The following AP2B1 variants were observed in gnomAD, a reference collection of about 807,000 sequenced individuals.
The protein encoded by AP2B1 is AP-2 complex subunit beta.
Under a neutral mutation model 102.0 loss-of-function variants are expected in AP2B1, and 23 were observed. The ratio of observed to expected loss-of-function variants is 0.23; its 90% CI spans 0.16 to 0.32. The LOEUF is 0.32. Ranked by LOEUF, AP2B1 falls within the 10% of genes least tolerant of loss-of-function variation. The pLI, the probability that AP2B1 is intolerant of heterozygous loss-of-function variation, is 1.00. For missense variants in AP2B1, 541 were observed against 1,157.4 expected, an observed-to-expected ratio of 0.47 and a Z score of 7.73; for synonymous variants, 381 against 421.2, an observed-to-expected ratio of 0.90 and a Z score of 1.17.
chr17:35,646,015 T>C (rs225276), intron 12 of AP2B1, among the ~76,000 whole-genome samples: 132,561 of 152,306 alleles, frequency 0.87, 58,097 homozygotes, highest in African/African-American at 0.97. Flanking sequence ...GGCCCTACTT[T>C]TGATGTAATG....
chr17:35,648,504 G>A lies in AP2B1; in HGVS notation c.1537-2026G>A, dbSNP rs536516293. On this transcript the variant is annotated intron_variant, in intron 12 of 21. Transcript: ENST00000610402. ...TACTCCAGCCTGGGTGACAGAACAAGACTCTGTCTCAAAATACATGCATAC... is the reference window on the plus strand; with the variant it reads ...TACTCCAGCCTGGGTGACAGAACAAAACTCTGTCTCAAAATACATGCATAC... Among the ~76,000 whole-genome samples the A allele has an allele frequency of 1.1e-4, 17 of 150,350 alleles. No individual in the cohort carries two copies. In the South Asian group the frequency reaches 3.6e-3, roughly 32 times the overall value.
chr17:35,721,223 C>T (rs2085381902), intron 21 of AP2B1, among the ~76,000 whole-genome samples: 1 of 152,184 alleles, frequency 6.6e-6, no homozygotes, highest in Non-Finnish European at 1.5e-5. Flanking sequence ...AGGTAATCCT[C>T]ACCTGAAAGA....
chr17:35,625,650 GATAAT>G (rs1001027760), intron 6 of AP2B1, among the ~76,000 whole-genome samples: 19 of 151,146 alleles, frequency 1.3e-4, no homozygotes, highest in African/African-American at 4.1e-4. Context: ...AATATGTATA[GATAAT>G]ATAATATATA....
intron 3 of AP2B1, among the ~76,000 whole-genome samples, chr17:35,603,013 G>A (rs541978416): frequency 2.0e-5 from 3 of 152,312 alleles, no homozygotes; most frequent in Non-Finnish European, 2.9e-5. Flanking sequence ...TGAAACTACC[G>A]TAGGTACCAT....
At position 35,720,545 on chromosome 17, in the gene AP2B1, T is replaced by TATA. The variant is rs1568062926; in HGVS notation, c.2782-3080_2782-3079insATA. 8.4e-3 allele frequency among the ~76,000 whole-genome samples: 454 copies of TATA among 54,288 alleles called. 25 individuals are homozygous for TATA. Among genetic ancestry groups the TATA allele is most frequent in the South Asian group, 0.015 (18 of 1,164 alleles). The allele number at this position is 54,288 out of a possible 152,430, so 35.6% of individuals were successfully genotyped here. A position where few individuals can be genotyped will look rare whatever the true frequency, so the allele number is the denominator to read the frequency against. On this transcript the variant is annotated intron_variant, in intron 21 of 21. Coordinates refer to ENST00000610402, the MANE Select transcript of AP2B1 (RefSeq NM_001030006.2). ...TTTGTCCCATATATTTTTATTTTAT[T>TATA]TATATATATATATATATATATATAT...
At chr17:35,589,892 T>C (rs1198328489) in intron 1 of AP2B1, among the ~76,000 whole-genome samples, 1 of 151,918 alleles carries the variant, frequency 6.6e-6, no homozygotes, top group Non-Finnish European at 1.5e-5. Flanking sequence ...TTTTTTTCTT[T>C]AGCTCTATTT....
rs761083349 is a variant in AP2B1, at chr17:35,626,779, T to C, written c.875T>C (p.Leu292Pro). The C allele has an allele frequency of 6.2e-7, 1 of 1,614,086 alleles. No homozygotes were observed. The highest frequency in any genetic ancestry group is 8.5e-7 in the Non-Finnish European group (1 of 1,180,004). Reference protein sequence around the residue: ...KKLAPPLVTLLSGEPEVQYVA... With the variant: ...KKLAPPLVTLPSGEPEVQYVA... The stretch of plus-strand genomic sequence containing the variant: ...TTAGCCCCTCCACTTGTCACTTTGC[T>C]GTCTGGGGAGCCAGAAGTGCAGTAT... The change falls in exon 7 of 22, where the codon CTG becomes CCG. Residue 292 changes from leucine (L) to proline (P), a missense_variant. Physicochemically the swap from Leu to Pro is moderately conservative, Grantham distance 98. Transcript: ENST00000610402.
At chr17:35,632,275 C>G (rs146886502) in intron 9 of AP2B1, among the ~76,000 whole-genome samples, 10 of 152,172 alleles carry the variant, frequency 6.6e-5, no homozygotes, top group African/African-American at 2.2e-4. Context: ...GCTGGGATTA[C>G]AGACATGCAC....
chr17:35,717,813 G>GT (rs1260627737), intron 21 of AP2B1, among the ~76,000 whole-genome samples: 2 of 152,182 alleles, frequency 1.3e-5, no homozygotes, highest in African/African-American at 4.8e-5. Context: ...TGAAATGCTT[G>GT]TTATTAAAGG....
At chr17:35,606,850 G>A (rs913424291) in intron 4 of AP2B1, among the ~76,000 whole-genome samples, 7 of 151,538 alleles carry the variant, frequency 4.6e-5, no homozygotes, top group African/African-American at 1.7e-4. Flanking sequence ...TGAATATCCA[G>A]TCAAATCTTT....
At chr17:35,650,862 T>C (rs1365420589) in intron 13 of AP2B1, 73 bp downstream of exon 13, 1 of 1,518,084 alleles carries the variant, frequency 6.6e-7, no homozygotes, top group African/African-American at 1.4e-5. Context: ...TTTATGCTTT[T>C]ATAGTCTGGA....
In AP2B1 at chr17:35,724,076, A is replaced by C. The variant is rs1181434798; in HGVS notation, c.*377A>C. 2 of 194,422 alleles carry C rather than the reference A, an allele frequency of 1.0e-5. No homozygotes were observed. The highest frequency in any genetic ancestry group is 4.6e-5 in the African/African-American group (2 of 43,666). 12.0% of individuals were successfully genotyped at this position (194,422 alleles called of 1,614,324 possible). A position where few individuals can be genotyped will look rare whatever the true frequency, so the allele number is the denominator to read the frequency against. On this transcript the variant is annotated 3_prime_UTR_variant, in exon 22 of 22. Coordinates refer to ENST00000610402, the MANE Select transcript of AP2B1 (RefSeq NM_001030006.2). Reference sequence around the variant, plus strand: ...AGACAACAAATATTAAAGCAAGGAAAAGTGTAACTGAAACACTGCACTTTA... The same window carrying C: ...AGACAACAAATATTAAAGCAAGGAACAGTGTAACTGAAACACTGCACTTTA...
rs2076424149 is a variant in AP2B1, at chr17:35,710,500, G to C, written c.2626+180G>C. ...GTTTAAAAACGTGATATGTTTTGAT[G>C]TAGGTACTAGATTACTTACAAGCTA... On this transcript the variant is annotated intron_variant, in intron 20 of 21. Coordinates refer to ENST00000610402, the MANE Select transcript of AP2B1 (RefSeq NM_001030006.2). Among the ~76,000 whole-genome samples, 4 of 152,120 alleles carry C rather than the reference G, an allele frequency of 2.6e-5. No individual in the cohort carries two copies. The South Asian group carries it at 8.3e-4, about 31-fold the overall frequency.
At chr17:35,640,905 T>A (rs909121476) in intron 11 of AP2B1, among the ~76,000 whole-genome samples, 1 of 152,214 alleles carries the variant, frequency 6.6e-6, no homozygotes, top group African/African-American at 2.4e-5. Context: ...AAAGATTATC[T>A]TTGGATGAAA....
intron 12 of AP2B1, among the ~76,000 whole-genome samples, chr17:35,650,122 G>A (rs968973647): frequency 1.3e-5 from 2 of 152,002 alleles, no homozygotes; most frequent in Admixed American, 1.3e-4. Flanking sequence ...GCTAATTTTT[G>A]TATTTTTAGT....
intron 2 of AP2B1, chr17:35,597,098 G>C (rs888920953): frequency 1.9e-6 from 1 of 536,588 alleles, no homozygotes. Flanking sequence ...CGGGGCCACT[G>C]AGGCAGCAGT....
chr17:35,671,726 C>T lies in AP2B1; in HGVS notation c.2032-28C>T, dbSNP rs1240714503. ...CTGTTAATCTGTTCTTCCCAATCTC[C>T]CCTCTCCCTTTTTTTTTTCTCCTGC... On this transcript the variant is annotated intron_variant, in intron 15 of 21. Transcript: ENST00000610402. 3.1e-6 allele frequency: 5 copies of T among 1,610,490 alleles called. No individual in the cohort carries two copies. The African/African-American group carries it at 4.0e-5, about 13-fold the overall frequency.
At position 35,650,516 on chromosome 17, in the gene AP2B1, T is replaced by C; in HGVS notation, c.1537-14T>C. ...AGTTTCATCTCCACCTCCTTGCCTTTGCCTTTTCTTTAGGATTCTGATAAT... is the reference window on the plus strand; with the variant it reads ...AGTTTCATCTCCACCTCCTTGCCTTCGCCTTTTCTTTAGGATTCTGATAAT... On this transcript the variant is annotated splice_polypyrimidine_tract_variant and intron_variant, in intron 12 of 21. Transcript: ENST00000610402. The C allele has an allele frequency of 6.2e-7, 1 of 1,612,222 alleles. No homozygotes were observed. Among genetic ancestry groups the C allele is most frequent in the Non-Finnish European group, 8.5e-7 (1 of 1,178,950 alleles).
At chr17:35,667,811 G>A (rs944800297) in intron 14 of AP2B1, among the ~76,000 whole-genome samples, 2 of 152,150 alleles carry the variant, frequency 1.3e-5, no homozygotes, top group African/African-American at 4.8e-5. Flanking sequence ...GCCAGAAGAG[G>A]GGAGAATAAG....
Sources: gnomAD v4.1 joint callset for allele counts (sites outside exome capture counted in the v4.1 genomes callset) on GRCh38, gnomAD v4.1.1 for gene constraint, MANE v1.5 for transcripts, NCBI Gene and HGNC (gene_info 2026-07-23, HGNC 2026-07-21) for gene names.